DOCK9: variants seen among roughly 807,000 people sequenced by gnomAD.
DOCK9 encodes dedicator of cytokinesis protein 9.
A neutral mutation model predicts 263.3 loss-of-function variants in DOCK9; 89 were observed. That is an observed-to-expected ratio of 0.34 (90% CI 0.28 to 0.40). The LOEUF is 0.40. Among genes scored for constraint, DOCK9 ranks in the 10% least tolerant of loss-of-function variants. The pLI, the probability that DOCK9 is intolerant of heterozygous loss-of-function variation, is 1.00. For synonymous variants in DOCK9, 976 were observed against 973.1 expected, an observed-to-expected ratio of 1.00 and a Z score of -0.06; for missense variants, 2,140 against 2,603.4, an observed-to-expected ratio of 0.82 and a Z score of 3.87.
At chr13:98,861,190 TAG>T (rs997344255) in intron 32 of DOCK9, among the ~76,000 whole-genome samples, 1 of 152,112 alleles carries the variant, frequency 6.6e-6, no homozygotes, top group Non-Finnish European at 1.5e-5. Context: ...GCACTTAGGA[TAG>T]AGAGAGTTCA....
At chr13:98,948,290 T>C (rs926065941) in intron 2 of DOCK9, among the ~76,000 whole-genome samples, 9 of 152,212 alleles carry the variant, frequency 5.9e-5, no homozygotes, top group African/African-American at 2.2e-4. Context: ...TATTCAAACA[T>C]TTCCAAAAAG....
chr13:98,808,613 T>C (rs750827330), intron 47 of DOCK9: 1 of 1,520,546 alleles, frequency 6.6e-7, no homozygotes, highest in Admixed American at 1.7e-5. Flanking sequence ...CTATATTACT[T>C]GCTTTTTAGG....
chr13:98,989,965 A>T (rs1186291227), intron 1 of DOCK9, among the ~76,000 whole-genome samples: 1 of 152,242 alleles, frequency 6.6e-6, no homozygotes, highest in Non-Finnish European at 1.5e-5. Flanking sequence ...AAATATTTGT[A>T]ATTGTGTGAT....
chr13:98,934,082 A>T (rs9582273), intron 2 of DOCK9, among the ~76,000 whole-genome samples: 23,375 of 150,612 alleles, frequency 0.16, 1,973 homozygotes, highest in South Asian at 0.21. Flanking sequence ...ATTTTTGGAG[A>T]GATGGGGGCG....
intron 9 of DOCK9, among the ~76,000 whole-genome samples, chr13:98,913,879 A>G (rs2050450370): frequency 6.6e-6 from 1 of 152,136 alleles, no homozygotes; most frequent in Non-Finnish European, 1.5e-5. Flanking sequence ...TTTTCCAGTA[A>G]GAGTGACCCG....
intron 15 of DOCK9, among the ~76,000 whole-genome samples, chr13:98,891,044 C>G (rs950126283): frequency 6.6e-6 from 1 of 152,136 alleles, no homozygotes; most frequent in Admixed American, 6.5e-5. Context: ...CACTCCCCTA[C>G]AGTTTGCCCC....
intron 1 of DOCK9, among the ~76,000 whole-genome samples, chr13:99,045,648 T>C (rs889043130): frequency 2.6e-5 from 4 of 152,280 alleles, no homozygotes; most frequent in Admixed American, 1.3e-4. Context: ...ATGTGAAGTA[T>C]TGCATGTTAC....
intron 44 of DOCK9, chr13:98,826,063 GC>G: frequency 1.5e-6 from 1 of 679,468 alleles, no homozygotes. Context: ...ATTCCAAATA[GC>G]CAGCTGCACC....
In DOCK9 at chr13:99,071,306, C is replaced by CCTTTTTTTTTTTTTTTTTTTTTTTT. The variant is rs1286343497; in HGVS notation, c.129+14916_129+14917insAAAAAAAAAAAAAAAAAAAAAAAAG. On this transcript the variant is annotated intron_variant, in intron 1 of 32. Transcript: ENST00000427887. ...TACAGGTGCTTGCCACCATGCCTGG[C>CCTTTTTTTTTTTTTTTTTTTTTTTT]TTTTTTTTTTTTTTTTTTTTTTTTT... 1.8e-4 allele frequency among the ~76,000 whole-genome samples: 9 copies of CCTTTTTTTTTTTTTTTTTTTTTTTT among 49,330 alleles called. 1 individual carries two copies. The East Asian group carries it at 2.7e-3, about 15-fold the overall frequency. The allele number at this position is 49,330 out of a possible 152,430, so 32.4% of individuals were successfully genotyped here.
chr13:98,995,395 GTTTA>G (rs573257203), intron 1 of DOCK9, among the ~76,000 whole-genome samples: 37 of 151,336 alleles, frequency 2.4e-4, no homozygotes, highest in Middle Eastern at 3.4e-3. Context: ...ACGATTACTA[GTTTA>G]TTTACAATTG....
chr13:98,859,436 G>A (rs2093792349), intron 33 of DOCK9: 1 of 152,136 alleles, frequency 6.6e-6, no homozygotes, highest in Non-Finnish European at 1.5e-5. Flanking sequence ...GGGCATTGGT[G>A]TGGGGTTTCT....
intron 33 of DOCK9, chr13:98,857,309 G>C (rs1298788375): frequency 1.3e-5 from 2 of 152,110 alleles, no homozygotes; most frequent in East Asian, 1.9e-4. Flanking sequence ...CCATGGACTG[G>C]GATACTTCTA....
intron 1 of DOCK9, among the ~76,000 whole-genome samples, chr13:98,967,374 G>A (rs141213399): frequency 7.2e-4 from 110 of 152,270 alleles, no homozygotes; most frequent in African/African-American, 2.4e-3. Flanking sequence ...TGGATTACAC[G>A]CATATTGTCT....
intron 1 of DOCK9, among the ~76,000 whole-genome samples, chr13:99,038,288 C>CCGCTTTTT (rs1888110933): frequency 1.2e-5 from 1 of 86,264 alleles, no homozygotes. Context: ...TTATGCCCCC[C>CCGCTTTTT]TTTTTTTTTT....
intron 15 of DOCK9, among the ~76,000 whole-genome samples, chr13:98,896,352 G>A (rs1048603789): frequency 5.3e-5 from 8 of 152,092 alleles, no homozygotes; most frequent in African/African-American, 1.9e-4. Flanking sequence ...AACTTATTGA[G>A]CCTGTTTCTA....
intron 27 of DOCK9, among the ~76,000 whole-genome samples, chr13:98,870,099 A>G (rs371901215): frequency 1.7e-3 from 264 of 152,352 alleles, no homozygotes; most frequent in Non-Finnish European, 3.0e-3. Context: ...CAATGTCCCA[A>G]TATCAAACAA....
chr13:98,942,887 G>A (rs934429223), intron 2 of DOCK9, among the ~76,000 whole-genome samples: 1 of 152,138 alleles, frequency 6.6e-6, no homozygotes, highest in African/African-American at 2.4e-5. Flanking sequence ...ATCTACACAC[G>A]GAAAAGGTAT....
At chr13:98,916,636 G>A (rs145843231) in intron 7 of DOCK9, among the ~76,000 whole-genome samples, 97 of 152,278 alleles carry the variant, frequency 6.4e-4, no homozygotes, top group African/African-American at 2.2e-3. Flanking sequence ...TGTCTGCTGT[G>A]GGCTCAGTAA....
At chr13:98,837,139 C>T (rs1042891875) in intron 39 of DOCK9, among the ~76,000 whole-genome samples, 7 of 152,038 alleles carry the variant, frequency 4.6e-5, no homozygotes, top group Admixed American at 2.0e-4. Flanking sequence ...TCTAATTAAA[C>T]GCTATAACAT....
Sources: allele counts gnomAD v4.1 joint callset (sites outside exome capture counted in the v4.1 genomes callset), GRCh38; gene constraint gnomAD v4.1.1; transcripts MANE v1.5; gene names NCBI Gene and HGNC (gene_info 2026-07-23, HGNC 2026-07-21).